Variants in PRKAG2 observed in about 807,000 individuals in gnomAD.
PRKAG2 encodes the protein 5'-AMP-activated protein kinase subunit gamma-2.
Under a neutral mutation model 69.6 loss-of-function variants are expected in PRKAG2, and 26 were observed. That is an observed-to-expected ratio of 0.37 (90% CI 0.27 to 0.52). The LOEUF is 0.52. Among genes scored for constraint, PRKAG2 ranks in the 20% least tolerant of loss-of-function variants. The pLI is 0.90. For synonymous variants in PRKAG2, 293 were observed against 285.0 expected, an observed-to-expected ratio of 1.03 and a Z score of -0.28; for missense variants, 557 against 740.0, an observed-to-expected ratio of 0.75 and a Z score of 2.87.
At chr7:151,649,042 CT>C (rs1280668669) in intron 4 of PRKAG2, among the ~76,000 whole-genome samples, 1 of 152,138 alleles carries the variant, frequency 6.6e-6, no homozygotes, top group African/African-American at 2.4e-5. Flanking sequence ...ACTAAATGTG[CT>C]CAAATTTCCC....
chr7:151,795,850 T>TAC (rs1450514493), intron 1 of PRKAG2, among the ~76,000 whole-genome samples: 1 of 35,092 alleles, frequency 2.8e-5, no homozygotes, highest in South Asian at 7.2e-4. Context: ...AAATCTCATA[T>TAC]ATATATATAT....
intron 3 of PRKAG2, among the ~76,000 whole-genome samples, chr7:151,741,135 C>A (rs1333272598): frequency 6.6e-6 from 1 of 150,800 alleles, no homozygotes; most frequent in Non-Finnish European, 1.5e-5. Flanking sequence ...ATTGCTTGAG[C>A]CCGGGAGGTC....
At chr7:151,831,445 A>G (rs142077126) in intron 1 of PRKAG2, among the ~76,000 whole-genome samples, 1,556 of 152,212 alleles carry the variant, frequency 0.01, 22 homozygotes, top group African/African-American at 0.034. Flanking sequence ...GAACCTTAAA[A>G]ATATTTCGTT....
intron 4 of PRKAG2, among the ~76,000 whole-genome samples, chr7:151,647,855 T>C (rs555105105): frequency 1.7e-4 from 26 of 152,168 alleles, no homozygotes; most frequent in Non-Finnish European, 3.1e-4. Flanking sequence ...AGCGGGGACA[T>C]TGAAGACGTC....
chr7:151,764,734 G>A (rs937793805), intron 3 of PRKAG2, among the ~76,000 whole-genome samples: 5 of 152,252 alleles, frequency 3.3e-5, no homozygotes, highest in African/African-American at 1.2e-4. Context: ...AGAGCCAGGA[G>A]GTGGGGGCAG....
intron 1 of PRKAG2, among the ~76,000 whole-genome samples, chr7:151,857,830 C>T (rs532515621): frequency 6.7e-4 from 102 of 152,298 alleles, no homozygotes; most frequent in African/African-American, 2.2e-3. Context: ...CATCAGAAGG[C>T]GGGCATACAA....
chr7:151,801,164 A>G (rs2077815821), intron 1 of PRKAG2, among the ~76,000 whole-genome samples: 1 of 152,192 alleles, frequency 6.6e-6, no homozygotes, highest in South Asian at 2.1e-4. Flanking sequence ...GGAAATGGGA[A>G]CTGGAGAGGT....
rs893738608 is a variant in PRKAG2, at chr7:151,716,969, G to A, written c.467-41332C>T. Among the ~76,000 whole-genome samples the A allele has an allele frequency of 2.6e-5, 4 of 152,168 alleles. 1 individual carries two copies. The South Asian group carries it at 8.4e-4, about 32-fold the overall frequency. On this transcript the variant is annotated intron_variant, in intron 3 of 15. Coordinates refer to ENST00000287878, the MANE Select transcript of PRKAG2 (RefSeq NM_016203.4). The stretch of plus-strand genomic sequence containing the variant: ...AACAAAAGAGGGAAAGAGGTGGGCC[G>A]GGTGTGGTGGCTCACGCCTGTAATC...
At chr7:151,720,093 A>G (rs772752375) in intron 3 of PRKAG2, among the ~76,000 whole-genome samples, 5 of 152,188 alleles carry the variant, frequency 3.3e-5, no homozygotes, top group Non-Finnish European at 5.9e-5. Flanking sequence ...AGATGGTCCA[A>G]TCAGAATCAG....
rs567723492 is a variant in PRKAG2 at position 151,597,380 on chromosome 7, A to G, written c.755-1926T>C. 6.6e-5 allele frequency among the ~76,000 whole-genome samples: 10 copies of G among 152,346 alleles called. No individual in the cohort carries two copies. In the South Asian group the frequency reaches 1.7e-3, roughly 25 times the overall value. ...TTTGGTCTGGGCAAATATTTTATGG[A>G]TAAAGCCTCAAAAGCACATGGAACA... is the stretch of plus-strand genomic sequence containing the variant. On this transcript the variant is annotated intron_variant, in intron 5 of 15. Transcript: ENST00000287878.
At chr7:151,818,565 C>A (rs2078699682) in intron 1 of PRKAG2, among the ~76,000 whole-genome samples, 1 of 152,248 alleles carries the variant, frequency 6.6e-6, no homozygotes, top group East Asian at 1.9e-4. Flanking sequence ...GGGCTGATGG[C>A]AACTGCCCTG....
At chr7:151,875,751 T>A (rs1407604707) in intron 1 of PRKAG2, among the ~76,000 whole-genome samples, 1 of 151,984 alleles carries the variant, frequency 6.6e-6, no homozygotes. Context: ...AGAGAACCAC[T>A]ACGCGGCCCG....
At chr7:151,779,570 G>A (rs1252989215) in intron 3 of PRKAG2, among the ~76,000 whole-genome samples, 1 of 152,228 alleles carries the variant, frequency 6.6e-6, no homozygotes, top group East Asian at 1.9e-4. Context: ...CAGGTTCCCT[G>A]TGCTGCTCTC....
intron 4 of PRKAG2, among the ~76,000 whole-genome samples, chr7:151,637,948 G>A (rs1369277421): frequency 2.6e-5 from 4 of 152,228 alleles, no homozygotes; most frequent in East Asian, 3.9e-4. Context: ...GAGAAGAGGC[G>A]AAGGGAGGGG....
At position 151,820,154 on chromosome 7, in the gene PRKAG2, A is replaced by G. The variant is rs192151184; in HGVS notation, c.115-33613T>C. On this transcript the variant is annotated intron_variant, in intron 1 of 15. Transcript: ENST00000287878. Reference sequence around the variant, plus strand: ...CAAGCTCGATGTGTGCAGGGAGCAGAAGTGAGAGGAGGAAGGACTCGCTAT... The same window carrying G: ...CAAGCTCGATGTGTGCAGGGAGCAGGAGTGAGAGGAGGAAGGACTCGCTAT... Among the ~76,000 whole-genome samples, 363 of 152,364 alleles carry G rather than the reference A, an allele frequency of 2.4e-3. 2 individuals are homozygous for G. In the Middle Eastern group the frequency reaches 0.034, roughly 14 times the overall value.
intron 2 of PRKAG2, among the ~76,000 whole-genome samples, chr7:151,784,677 A>T (rs1039055909): frequency 5.3e-5 from 8 of 152,220 alleles, no homozygotes; most frequent in African/African-American, 1.9e-4. Flanking sequence ...CTGGAGAACC[A>T]GTCATGAAAG....
intron 3 of PRKAG2, among the ~76,000 whole-genome samples, chr7:151,748,735 A>G (rs1331588137): frequency 6.6e-6 from 1 of 152,238 alleles, no homozygotes; most frequent in Non-Finnish European, 1.5e-5. Context: ...TCAGCAAGGT[A>G]CATTCTCAAA....
At chr7:151,763,690 G>A (rs2075564579) in intron 3 of PRKAG2, among the ~76,000 whole-genome samples, 2 of 152,248 alleles carry the variant, frequency 1.3e-5, no homozygotes, top group Admixed American at 6.5e-5. Context: ...GGGCCTCTGT[G>A]ACCCATATGC....
At chr7:151,739,301 C>A (rs1221716503) in intron 3 of PRKAG2, among the ~76,000 whole-genome samples, 1 of 152,176 alleles carries the variant, frequency 6.6e-6, no homozygotes, top group Non-Finnish European at 1.5e-5. Context: ...ATAGTCATAC[C>A]ATTGCTTAGC....
Sources: allele counts gnomAD v4.1 joint callset (sites outside exome capture counted in the v4.1 genomes callset), GRCh38; gene constraint gnomAD v4.1.1; transcripts MANE v1.5; gene names NCBI Gene and HGNC (gene_info 2026-07-23, HGNC 2026-07-21).